RELN: variants seen among roughly 807,000 people sequenced by gnomAD.
RELN encodes reelin.
In RELN, 108 loss-of-function variants were observed where a neutral mutation model predicts 427.6. The ratio of observed to expected loss-of-function variants is 0.25; its 90% CI spans 0.22 to 0.30. RELN has a LOEUF of 0.30. RELN is among the 10% of genes least tolerant of loss of function. RELN has a pLI of 1.00. For synonymous variants in RELN, 1,524 were observed against 1,513.4 expected (o/e 1.01, Z -0.16); for missense variants, 3,715 against 4,302.8 (o/e 0.86, Z 3.82).
intron 3 of RELN, among the ~76,000 whole-genome samples, chr7:103,828,301 A>AT (rs201992008): frequency 1.0e-3 from 156 of 151,750 alleles, no homozygotes; most frequent in East Asian, 3.9e-3. Context: ...TTTTAAAATG[A>AT]TTTTTTTTGC....
chr7:103,556,341 A>T (rs997898561), intron 38 of RELN, among the ~76,000 whole-genome samples: 1 of 152,128 alleles, frequency 6.6e-6, no homozygotes, highest in African/African-American at 2.4e-5. Flanking sequence ...GATTATTTTT[A>T]AAAATCTTTA....
intron 6 of RELN, among the ~76,000 whole-genome samples, chr7:103,732,950 T>A (rs1790392317): frequency 6.6e-6 from 1 of 152,122 alleles, no homozygotes; most frequent in Non-Finnish European, 1.5e-5. Flanking sequence ...TTGTCTTTTG[T>A]TGCCATTGCT....
chr7:103,521,919 TAACC>T (rs1829716235), intron 48 of RELN, 99 bp downstream of exon 48: 15 of 1,165,514 alleles, frequency 1.3e-5, no homozygotes, highest in Non-Finnish European at 1.9e-5. Flanking sequence ...TTAGGGTAAC[TAACC>T]CTGCATCTTG....
chr7:103,630,401 C>CT (rs936999751), intron 19 of RELN, among the ~76,000 whole-genome samples: 218 of 152,198 alleles, frequency 1.4e-3, no homozygotes, highest in African/African-American at 4.9e-3. Flanking sequence ...TGAAAAAGCT[C>CT]TCAATAAACA....
At chr7:103,722,434 T>C (rs1790100329) in intron 8 of RELN, among the ~76,000 whole-genome samples, 1 of 152,134 alleles carries the variant, frequency 6.6e-6, no homozygotes, top group South Asian at 2.1e-4. Context: ...TTCGCTCTAA[T>C]GGGACCTAGG....
chr7:103,897,236 A>C (rs1359939448), intron 2 of RELN, among the ~76,000 whole-genome samples: 1 of 152,124 alleles, frequency 6.6e-6, no homozygotes, highest in African/African-American at 2.4e-5. Context: ...CTTAAAATAA[A>C]ATCAGTTCAT....
intron 2 of RELN, among the ~76,000 whole-genome samples, chr7:103,916,033 C>A (rs1196946975): frequency 6.6e-6 from 1 of 152,132 alleles, no homozygotes; most frequent in Non-Finnish European, 1.5e-5. Context: ...TTTTAAAATA[C>A]AGCAAATTCT....
chr7:103,681,225 A>G (rs1269108082), intron 11 of RELN, among the ~76,000 whole-genome samples: 2 of 152,134 alleles, frequency 1.3e-5, no homozygotes, highest in Non-Finnish European at 2.9e-5. Context: ...AGGGAGCGCA[A>G]AAGAGCAATA....
Position 103,572,259 on chromosome 7 carries a change from G to C in RELN, c.4513C>G (p.Leu1505Val). 1 of 1,547,652 alleles carries C rather than the reference G, an allele frequency of 6.5e-7. No individual in the cohort carries two copies. Among genetic ancestry groups the C allele is most frequent in the South Asian group, 1.1e-5 (1 of 89,766 alleles). The change falls in exon 31 of 65, where the codon CTT becomes GTT. Residue 1505 changes from leucine (L) to valine (V), a missense_variant and splice_region_variant. Coordinates refer to ENST00000428762, the MANE Select transcript of RELN (RefSeq NM_005045.4). ...CCAATTTGTATATAAAATTGAACAAGTCTGGGGAATAAAAACTTTAGTTTA... is the reference window on the plus strand; with the variant it reads ...CCAATTTGTATATAAAATTGAACAACTCTGGGGAATAAAAACTTTAGTTTA... ...TVPLDTRNIR[L>V]VQFYIQIGSK...
rs748662191 is a variant in RELN at position 103,553,824 on chromosome 7, T to C, written c.5805A>G (p.Lys1935=). 8 of 1,613,942 alleles carry C rather than the reference T, an allele frequency of 5.0e-6. No individual in the cohort carries two copies. The highest frequency in any genetic ancestry group is 6.8e-6 in the Non-Finnish European group (8 of 1,179,858). ...RLWQPYNNGK[K]EEIWIVDDFI... is the part of the protein sequence containing the mutation. ...AGTCATCAACAATCCAGATTTCTTC[T>C]TTCTTACCTAAGGCATTTTTGGATA... Residue 1935 remains lysine (K), a synonymous_variant, in exon 39 of 65, where the codon AAA becomes AAG. Transcript: ENST00000428762.
chr7:103,918,032 G>T (rs1795526306), intron 1 of RELN, among the ~76,000 whole-genome samples: 1 of 152,086 alleles, frequency 6.6e-6, no homozygotes, highest in Non-Finnish European at 1.5e-5. Context: ...CACAGTACAA[G>T]GCTGTCATCA....
chr7:103,887,526 G>A (rs1333459799), intron 2 of RELN, among the ~76,000 whole-genome samples: 1 of 152,130 alleles, frequency 6.6e-6, no homozygotes, highest in African/African-American at 2.4e-5. Flanking sequence ...AGAGGATTGG[G>A]TCTCCTGTGC....
chr7:103,859,101 G>A (rs1269145986), intron 2 of RELN, among the ~76,000 whole-genome samples: 2 of 152,124 alleles, frequency 1.3e-5, no homozygotes, highest in Non-Finnish European at 2.9e-5. Flanking sequence ...CAGGTCAGGT[G>A]ACTGGGGAGA....
intron 4 of RELN, among the ~76,000 whole-genome samples, chr7:103,765,494 T>C (rs900437172): frequency 2.0e-4 from 31 of 152,310 alleles, no homozygotes; most frequent in African/African-American, 7.2e-4. Flanking sequence ...TTACAACTCT[T>C]AAAAACTTGA....
intron 2 of RELN, among the ~76,000 whole-genome samples, chr7:103,905,144 C>A (rs758443356): frequency 6.6e-6 from 1 of 152,004 alleles, no homozygotes; most frequent in Non-Finnish European, 1.5e-5. Flanking sequence ...CCACACCTGG[C>A]TAATTTTTAT....
chr7:103,496,727 A>G lies in RELN; in HGVS notation c.8992T>C (p.Tyr2998His), dbSNP rs747477186. 6.2e-7 allele frequency: 1 copy of G among 1,614,020 alleles called. No homozygotes were observed. Residue 2998 changes from tyrosine (Y) to histidine (H), a missense_variant, in exon 56 of 65, where the codon TAC becomes CAC. This residue lies in a region of RELN where 1,310 missense variants were observed against 1,643.0 expected (regional missense o/e 0.80). Transcript: ENST00000428762. The part of the protein sequence containing the change: ...TLLHEMDYQK[Y>H]ISVRHDYILL... Reference sequence around the variant, plus strand: ...ATGTAGTCGTGTCTAACAGAAATGTATTTCTGGTAATCCATCTCATGGAGC... The same window carrying G: ...ATGTAGTCGTGTCTAACAGAAATGTGTTTCTGGTAATCCATCTCATGGAGC...
intron 3 of RELN, among the ~76,000 whole-genome samples, chr7:103,784,864 T>C (rs1329283920): frequency 1.3e-5 from 2 of 152,156 alleles, no homozygotes; most frequent in Non-Finnish European, 2.9e-5. Flanking sequence ...TACCTGATAA[T>C]TGACATAAAG....
rs1051044459 is a variant in RELN, at chr7:103,551,942, T to C, written c.6073-646A>G. Among the ~76,000 whole-genome samples the C allele has an allele frequency of 9.0e-4, 135 of 150,586 alleles. 1 individual carries two copies. Among genetic ancestry groups the C allele is most frequent in the Middle Eastern group, 3.4e-3 (1 of 292 alleles). On this transcript the variant is annotated intron_variant, in intron 40 of 64. Transcript: ENST00000428762. ...TACCTTCTGTGTGTGTGTGTGGGTG[T>C]GTGTGTGTGTGTGTGTGGTAAGAGC...
intron 12 of RELN, 33 bp from the exon 13 acceptor site, chr7:103,654,238 C>CTAG: frequency 8.6e-6 from 9 of 1,051,390 alleles, no homozygotes; most frequent in Non-Finnish European, 1.2e-5. Flanking sequence ...GTTGCTAGTA[C>CTAG]CAACTAGCAT....
Sources: gnomAD v4.1 joint callset for allele counts (sites outside exome capture counted in the v4.1 genomes callset) on GRCh38, gnomAD v4.1.1 for gene constraint, gnomAD v4.1.1 regional missense constraint, MANE v1.5 for transcripts, NCBI Gene and HGNC (gene_info 2026-07-23, HGNC 2026-07-21) for gene names.